The following SOX5 variants were observed in gnomAD, a reference collection of about 807,000 sequenced individuals.
SOX5 encodes SRY-box transcription factor 5.
A neutral mutation model predicts 92.0 loss-of-function variants in SOX5; 9 were observed. The observed-to-expected ratio is 0.10, with a 90% CI of 0.06 to 0.17. SOX5 has a LOEUF of 0.17. Ranked by LOEUF, SOX5 falls within the 10% of genes least tolerant of loss-of-function variation. SOX5 has a pLI of 1.00. For synonymous variants in SOX5, 344 were observed against 336.3 expected (o/e 1.02, Z -0.25); for missense variants, 642 against 944.5 (o/e 0.68, Z 4.20).
chr12:24,370,408 C>T (rs888453219), intron 1 of SOX5, among the ~76,000 whole-genome samples: 1 of 134,556 alleles, frequency 7.4e-6, no homozygotes, highest in Admixed American at 8.9e-5. Flanking sequence ...ACCCAGGGGG[C>T]GGAGCTTGCA....
chr12:24,173,708 C>T (rs1177152566), intron 4 of SOX5, among the ~76,000 whole-genome samples: 1 of 152,158 alleles, frequency 6.6e-6, no homozygotes, highest in Non-Finnish European at 1.5e-5. Flanking sequence ...TATTTTAATA[C>T]AGATGCTGGG....
Position 23,605,293 on chromosome 12 carries a change from T to C in SOX5, c.1018-760A>G, listed in dbSNP as rs146952311. 1.6e-3 allele frequency among the ~76,000 whole-genome samples: 242 copies of C among 152,084 alleles called. 4 individuals are homozygous for C. The highest frequency in any genetic ancestry group is 0.014 in the Admixed American group (214 of 15,258). ...AATTTTACTTTGATAATGATAGCCGTATGATGTATTATCCTAAAACAAGGA... is the reference window on the plus strand; with the variant it reads ...AATTTTACTTTGATAATGATAGCCGCATGATGTATTATCCTAAAACAAGGA... On this transcript the variant is annotated intron_variant, in intron 8 of 14. Coordinates refer to ENST00000451604, the MANE Select transcript of SOX5 (RefSeq NM_006940.6).
chr12:24,554,893 GT>G (rs1953616457), intron 1 of SOX5, among the ~76,000 whole-genome samples: 1 of 152,176 alleles, frequency 6.6e-6, no homozygotes, highest in Non-Finnish European at 1.5e-5. Flanking sequence ...TGTTCTCCCA[GT>G]GGGTAGAAGA....
At chr12:24,281,478 C>A (rs186400753) in intron 2 of SOX5, among the ~76,000 whole-genome samples, 1 of 152,192 alleles carries the variant, frequency 6.6e-6, no homozygotes, top group East Asian at 1.9e-4. Context: ...CCATTTTCTA[C>A]GGCTGGGCCG....
In SOX5 at chr12:24,538,598, A is replaced by AACACACAC. The variant is rs60114784; in HGVS notation, c.-251+23723_-251+23730dup. On this transcript the variant is annotated intron_variant, in intron 1 of 4. Coordinates refer to the SOX5 transcript ENST00000446891. ...ATTACTTGGTATTAAGCTGGATCTA[A>AACACACAC]ACACACACACACACACACACACACA... 4.8e-3 allele frequency among the ~76,000 whole-genome samples: 691 copies of AACACACAC among 143,832 alleles called. 4 individuals are homozygous for AACACACAC. Among genetic ancestry groups the AACACACAC allele is most frequent in the Middle Eastern group, 0.028 (8 of 288 alleles). The allele number at this position is 143,832 out of a possible 152,430, so 94.4% of individuals were successfully genotyped here. A position where few individuals can be genotyped will look rare whatever the true frequency, so the allele number is the denominator to read the frequency against.
At chr12:23,560,110 C>T (rs1207824922) in intron 11 of SOX5, among the ~76,000 whole-genome samples, 1 of 152,062 alleles carries the variant, frequency 6.6e-6, no homozygotes, top group African/African-American at 2.4e-5. Context: ...AAGGTTTCAC[C>T]ACGTTGGCCA....
chr12:23,940,745 T>TACACACACACACACACAC (rs36124621), intron 1 of SOX5, among the ~76,000 whole-genome samples: 3 of 139,668 alleles, frequency 2.1e-5, no homozygotes, highest in African/African-American at 5.3e-5. Context: ...AGATAAGTAT[T>TACACACACACACACACAC]ACACACACAC....
intron 6 of SOX5, among the ~76,000 whole-genome samples, chr12:23,732,570 C>A (rs545055196): frequency 6.6e-6 from 1 of 152,138 alleles, no homozygotes; most frequent in Non-Finnish European, 1.5e-5. Context: ...TCTGCACTAA[C>A]TCTAGAAAGA....
At chr12:23,888,119 A>C (rs1006483773) in intron 2 of SOX5, among the ~76,000 whole-genome samples, 1 of 152,158 alleles carries the variant, frequency 6.6e-6, no homozygotes, top group African/African-American at 2.4e-5. Context: ...TTCATACTAC[A>C]TAACACACAA....
At chr12:23,917,096 T>G (rs1374621270) in intron 1 of SOX5, among the ~76,000 whole-genome samples, 2 of 152,310 alleles carry the variant, frequency 1.3e-5, no homozygotes, top group East Asian at 3.9e-4. Context: ...AGGTCTACTA[T>G]GTACCAGGTG....
At chr12:24,178,796 T>C (rs1955130488) in intron 4 of SOX5, among the ~76,000 whole-genome samples, 1 of 152,198 alleles carries the variant, frequency 6.6e-6, no homozygotes, top group Non-Finnish European at 1.5e-5. Context: ...ATTGCACAGA[T>C]GGAGAAACTA....
chr12:23,577,197 T>A (rs1260409715), intron 9 of SOX5, among the ~76,000 whole-genome samples: 3,897 of 86,764 alleles, frequency 0.045, 227 homozygotes, highest in African/African-American at 0.12. Context: ...ATATATTTTT[T>A]TTTTTTTTTT....
At chr12:23,996,994 T>C (rs1951091713) in intron 4 of SOX5, among the ~76,000 whole-genome samples, 1 of 152,178 alleles carries the variant, frequency 6.6e-6, no homozygotes, top group African/African-American at 2.4e-5. Context: ...TAAGAAAATG[T>C]TGAAGGAGAG....
intron 3 of SOX5, among the ~76,000 whole-genome samples, chr12:23,841,157 A>G (rs998170001): frequency 3.3e-5 from 5 of 152,164 alleles, no homozygotes; most frequent in Non-Finnish European, 5.9e-5. Context: ...ATTCAGTTAA[A>G]TCAAAAAAAG....
At chr12:24,438,405 A>C (rs1939868504) in intron 1 of SOX5, among the ~76,000 whole-genome samples, 1 of 152,178 alleles carries the variant, frequency 6.6e-6, no homozygotes, top group African/African-American at 2.4e-5. Context: ...CATTCTGTAC[A>C]TGTACCCCAG....
At chr12:23,994,663 C>T (rs565562480) in intron 4 of SOX5, among the ~76,000 whole-genome samples, 20 of 152,016 alleles carry the variant, frequency 1.3e-4, no homozygotes, top group Admixed American at 3.3e-4. Context: ...CAGAGTGGGG[C>T]GTGGGAGGTG....
chr12:23,567,144 G>A (rs538109503), intron 10 of SOX5, among the ~76,000 whole-genome samples: 3 of 152,268 alleles, frequency 2.0e-5, no homozygotes, highest in South Asian at 2.1e-4. Context: ...ATTCCTTGGC[G>A]GGCACAGAGG....
chr12:24,463,805 G>C (rs1224226308), intron 1 of SOX5, among the ~76,000 whole-genome samples: 1 of 152,076 alleles, frequency 6.6e-6, no homozygotes, highest in Non-Finnish European at 1.5e-5. Flanking sequence ...TTCCAATCCT[G>C]GTCAGACGTA....
At chr12:23,549,401 A>G (rs1459159408) in intron 11 of SOX5, among the ~76,000 whole-genome samples, 2 of 151,928 alleles carry the variant, frequency 1.3e-5, no homozygotes, top group Non-Finnish European at 1.5e-5. Context: ...GCTCTGATAA[A>G]AATCATGTTA....
Sources: allele counts gnomAD v4.1 joint callset (sites outside exome capture counted in the v4.1 genomes callset), GRCh38; gene constraint gnomAD v4.1.1; transcripts MANE v1.5; gene names NCBI Gene and HGNC (gene_info 2026-07-23, HGNC 2026-07-21).